Variants in ARL13B observed in about 807,000 individuals in gnomAD.
The protein encoded by ARL13B is ADP-ribosylation factor-like protein 13B.
A neutral mutation model predicts 56.1 loss-of-function variants in ARL13B; 36 were observed. The observed-to-expected ratio is 0.64, with a 90% confidence interval of 0.49 to 0.85. The LOEUF (loss-of-function observed/expected upper bound fraction) is 0.85, where lower values mean the gene tolerates loss of function less well. Among genes scored for constraint, ARL13B ranks in the 40% least tolerant of loss-of-function variants. ARL13B has a pLI of 0.00. For synonymous variants in ARL13B, 178 were observed against 171.1 expected (o/e 1.04, Z -0.32); for missense variants, 519 against 507.1 (o/e 1.02, Z -0.23).
chr3:94,051,670 C>T (rs865916630), intron 9 of ARL13B, among the ~76,000 whole-genome samples: 49 of 152,150 alleles, frequency 3.2e-4, no homozygotes, highest in Non-Finnish European at 4.3e-4. Context: ...TTGTTAAGAA[C>T]ATCCAATTCC....
intron 3 of ARL13B, chr3:94,014,623 TG>T (rs1198180373): frequency 6.2e-7 from 1 of 1,613,524 alleles, no homozygotes; most frequent in Admixed American, 1.7e-5. Flanking sequence ...AAGTTCCTTG[TG>T]TCTCTGTTCA....
At chr3:94,013,146 A>G (rs1038437913) in intron 3 of ARL13B, among the ~76,000 whole-genome samples, 6 of 152,036 alleles carry the variant, frequency 3.9e-5, no homozygotes, top group Admixed American at 2.0e-4. Context: ...TTTGTTTCCT[A>G]TGCCTGGAAT....
intron 3 of ARL13B, among the ~76,000 whole-genome samples, chr3:94,033,217 TG>T (rs951079823): frequency 2.6e-5 from 4 of 151,920 alleles, no homozygotes; most frequent in African/African-American, 9.7e-5. Flanking sequence ...CTTGGACAGG[TG>T]GGAGGGTGGA....
Position 94,053,447 on chromosome 3 carries a change from A to G in ARL13B, c.*184A>G. On this transcript the variant is annotated 3_prime_UTR_variant, in exon 10 of 10. Transcript: ENST00000394222. ...CTTATTTGTGTTTTTCATGGTTAAA[A>G]AAATAAAAGAAGCACAATGACCAGT... 1.4e-6 allele frequency: 1 copy of G among 702,936 alleles called. No individual in the cohort carries two copies. The highest frequency in any genetic ancestry group is 1.5e-5 in the South Asian group (1 of 66,862). The allele number at this position is 702,936 out of a possible 1,614,324, so 43.5% of individuals were successfully genotyped here.
chr3:94,054,510 A>G lies in ARL13B; in HGVS notation c.*1247A>G. ...AACCTTTATATCCAATGAAAATAGT[A>G]TAAACAGAATGATTTTTATACCACC... On this transcript the variant is annotated 3_prime_UTR_variant, in exon 10 of 10. Coordinates refer to ENST00000394222, the MANE Select transcript of ARL13B (RefSeq NM_001174150.2). 1 of 379,440 alleles carries G rather than the reference A, an allele frequency of 2.6e-6. No homozygotes were observed. The highest frequency in any genetic ancestry group is 2.1e-5 in the South Asian group (1 of 48,266). 23.5% of individuals were successfully genotyped at this position (379,440 alleles called of 1,614,324 possible). A position where few individuals can be genotyped will look rare whatever the true frequency, so the allele number is the denominator to read the frequency against.
At position 93,980,456 on chromosome 3, in the gene ARL13B, G is replaced by T; in HGVS notation, c.33G>T (p.Trp11Cys). ...GTCTGATGGCCAGTTGCTGCGGCTGGTTCAAGCGGTGGCGGGAGCCTGTCA... is the reference window on the plus strand; with the variant it reads ...GTCTGATGGCCAGTTGCTGCGGCTGTTTCAAGCGGTGGCGGGAGCCTGTCA... MFSLMASCCG[W>C]FKRWREPVRK... Residue 11 changes from tryptophan to cysteine, a missense_variant, in exon 1 of 10, where the codon TGG becomes TGT. Coordinates refer to ENST00000394222, the MANE Select transcript of ARL13B (RefSeq NM_001174150.2). The T allele has an allele frequency of 6.2e-7, 1 of 1,612,378 alleles. No homozygotes were observed. Among genetic ancestry groups the T allele is most frequent in the Non-Finnish European group, 8.5e-7 (1 of 1,179,986 alleles).
At chr3:94,046,397 A>T (rs1215537355) in intron 7 of ARL13B, among the ~76,000 whole-genome samples, 2 of 152,226 alleles carry the variant, frequency 1.3e-5, no homozygotes, top group East Asian at 3.9e-4. Context: ...TTCCTTGAAT[A>T]TAATATATTC....
chr3:93,981,943 A>G (rs1429780042), intron 1 of ARL13B, among the ~76,000 whole-genome samples: 4 of 151,632 alleles, frequency 2.6e-5, no homozygotes, highest in African/African-American at 7.3e-5. Flanking sequence ...ATTTGCTTTA[A>G]TTATATTCTG....
Position 94,039,894 on chromosome 3 carries a change from A to G in ARL13B, c.704A>G (p.Gln235Arg), listed in dbSNP as rs1199859314. The G allele has an allele frequency of 6.2e-7, 1 of 1,614,120 alleles. No individual in the cohort carries two copies. Among genetic ancestry groups the G allele is most frequent in the East Asian group, 2.2e-5 (1 of 44,862 alleles). The stretch of plus-strand genomic sequence containing the variant: ...TCAAACGATAGAAAACAAAATGAAC[A>G]GGAGCAGGCTGAACTCGATGGAACC... ...KLREERKQNE[Q>R]EQAELDGTSG... The change falls in exon 6 of 10, where the codon CAG becomes CGG. Residue 235 changes from glutamine to arginine, a missense_variant. By Grantham distance (43) the Gln-to-Arg change is conservative (BLOSUM62 1). Coordinates refer to ENST00000394222, the MANE Select transcript of ARL13B (RefSeq NM_001174150.2).
Position 94,003,659 on chromosome 3 carries a change from A to T in ARL13B, c.131A>T (p.Glu44Val). Residue 44 changes from glutamate to valine, a missense_variant and splice_region_variant, in exon 3 of 10, where the codon GAA becomes GTA. Coordinates refer to ENST00000394222, the MANE Select transcript of ARL13B (RefSeq NM_001174150.2). ...TTTTTTTGTGTATCATTTGTAACAGAATACCCTGAAGATGTAGCTCCTACT... is the reference window on the plus strand; with the variant it reads ...TTTTTTTGTGTATCATTTGTAACAGTATACCCTGAAGATGTAGCTCCTACT... ...KTATAKGIQG[E>V]YPEDVAPTVG... 6.2e-7 allele frequency: 1 copy of T among 1,613,008 alleles called. No homozygotes were observed. The highest frequency in any genetic ancestry group is 8.5e-7 in the Non-Finnish European group (1 of 1,179,406).
intron 3 of ARL13B, among the ~76,000 whole-genome samples, chr3:94,006,781 G>T (rs1053727863): frequency 3.9e-5 from 6 of 152,126 alleles, no homozygotes; most frequent in Non-Finnish European, 8.8e-5. Context: ...ATAGTTCCAT[G>T]CAGATAAGAA....
At chr3:94,010,084 C>T (rs1559981655) in intron 3 of ARL13B, among the ~76,000 whole-genome samples, 1 of 152,068 alleles carries the variant, frequency 6.6e-6, no homozygotes, top group Non-Finnish European at 1.5e-5. Flanking sequence ...TCCATACGTG[C>T]TCTCCAGATC....
At chr3:93,982,614 A>G (rs1317210215) in intron 1 of ARL13B, among the ~76,000 whole-genome samples, 7 of 152,174 alleles carry the variant, frequency 4.6e-5, no homozygotes, top group African/African-American at 1.7e-4. Context: ...TTCAATGTAT[A>G]TGTTGCTTAT....
intron 3 of ARL13B, among the ~76,000 whole-genome samples, chr3:94,025,839 G>A (rs1230437252): frequency 6.6e-6 from 1 of 152,042 alleles, no homozygotes; most frequent in Non-Finnish European, 1.5e-5. Flanking sequence ...TACAGATTAT[G>A]TTGTATTATT....
At chr3:94,016,053 C>G (rs1451812462) in intron 3 of ARL13B, among the ~76,000 whole-genome samples, 4 of 152,008 alleles carry the variant, frequency 2.6e-5, no homozygotes, top group Non-Finnish European at 5.9e-5. Context: ...ACACTTATCA[C>G]ATGCTGTGTT....
Position 94,053,359 on chromosome 3 carries a change from G to T in ARL13B, c.*96G>T. The T allele has an allele frequency of 9.2e-7, 1 of 1,092,118 alleles. No homozygotes were observed. The highest frequency in any genetic ancestry group is 2.4e-5 in the East Asian group (1 of 42,120). The allele number at this position is 1,092,118 out of a possible 1,614,324, so 67.7% of individuals were successfully genotyped here. A position where few individuals can be genotyped will look rare whatever the true frequency, so the allele number is the denominator to read the frequency against. On this transcript the variant is annotated 3_prime_UTR_variant, in exon 10 of 10. Coordinates refer to ENST00000394222, the MANE Select transcript of ARL13B (RefSeq NM_001174150.2). Reference sequence around the variant, plus strand: ...AAACATCTTGTAAATTGATGACTGGGGCAAGATAACCATAATAATTTTAGT... The same window carrying T: ...AAACATCTTGTAAATTGATGACTGGTGCAAGATAACCATAATAATTTTAGT...
At chr3:94,016,733 G>C (rs2107499059) in intron 3 of ARL13B, among the ~76,000 whole-genome samples, 1 of 150,376 alleles carries the variant, frequency 6.6e-6, no homozygotes, top group South Asian at 2.1e-4. Context: ...TGCAACTTCT[G>C]CCTCCCGGGT....
At position 94,055,470 on chromosome 3, in the gene ARL13B, G is replaced by T; in HGVS notation, c.*2207G>T. On this transcript the variant is annotated 3_prime_UTR_variant, in exon 10 of 10. Coordinates refer to ENST00000394222, the MANE Select transcript of ARL13B (RefSeq NM_001174150.2). Reference sequence around the variant, plus strand: ...TTTATGTATGTGGGAAAGAATTTGTGATTTTAAATGCAGCTACAAATAGCA... The same window carrying T: ...TTTATGTATGTGGGAAAGAATTTGTTATTTTAAATGCAGCTACAAATAGCA... The T allele has an allele frequency of 2.2e-6, 1 of 453,728 alleles. No homozygotes were observed. The highest frequency in any genetic ancestry group is 4.4e-6 in the Non-Finnish European group (1 of 226,566). 28.1% of individuals were successfully genotyped at this position (453,728 alleles called of 1,614,324 possible).
intron 3 of ARL13B, among the ~76,000 whole-genome samples, chr3:94,022,803 C>T (rs1249840627): frequency 6.6e-6 from 1 of 152,004 alleles, no homozygotes; most frequent in Non-Finnish European, 1.5e-5. Flanking sequence ...ATCCATGTAA[C>T]TACCACATAG....
Sources: allele counts gnomAD v4.1 joint callset (sites outside exome capture counted in the v4.1 genomes callset), GRCh38; gene constraint gnomAD v4.1.1; transcripts MANE v1.5; gene names NCBI Gene and HGNC (gene_info 2026-07-23, HGNC 2026-07-21).